The following ADAMTSL2 variants were observed in gnomAD, a reference collection of about 807,000 sequenced individuals.
The protein encoded by ADAMTSL2 is ADAMTS-like protein 2.
Under a neutral mutation model 117.0 loss-of-function variants are expected in ADAMTSL2, and 55 were observed. That is an observed-to-expected ratio of 0.47 (90% confidence interval 0.38 to 0.59). ADAMTSL2 has a LOEUF of 0.59. ADAMTSL2 is among the 20% of genes least tolerant of loss of function. The probability of loss-of-function intolerance (pLI) is 0.00; values close to 1 mark genes in which losing one functional copy is unlikely to be tolerated. For synonymous variants in ADAMTSL2, 572 were observed against 566.4 expected (o/e 1.01, Z -0.14); for missense variants, 1,182 against 1,354.5 (o/e 0.87, Z 2.00).
rs932262126 is a variant in ADAMTSL2, at chr9:133,554,404, G to A, written c.987G>A (p.Thr329=). The A allele has an allele frequency of 8.5e-5, 133 of 1,561,710 alleles. No individual in the cohort carries two copies. In the Middle Eastern group the frequency reaches 1.0e-3, roughly 12 times the overall value. ...GKSPSITFEY[T]LLQPPHESRP... is the part of the protein sequence containing the mutation. ...GCCCCTCCATCACCTTCGAGTACACGCTGCTGCAGCCGCCACACGAGAGCC... is the reference window on the plus strand; with the variant it reads ...GCCCCTCCATCACCTTCGAGTACACACTGCTGCAGCCGCCACACGAGAGCC... The change falls in exon 10 of 19, where the codon ACG becomes ACA. Residue 329 remains threonine (T), a synonymous_variant. Coordinates refer to ENST00000651351, the MANE Select transcript of ADAMTSL2 (RefSeq NM_014694.4). This position sits in a 1 kb window ranked among gnomAD's most constrained non-coding sequence, Gnocchi z 5.2.
chr9:133,537,654 T>A (rs1352785711), intron 3 of ADAMTSL2, 107 bp downstream of exon 3: 2 of 1,210,980 alleles, frequency 1.7e-6, no homozygotes, highest in African/African-American at 3.1e-5. Context: ...CTGGGAGGGC[T>A]CTCGGGTTGG....
In ADAMTSL2 at chr9:133,534,837, C is replaced by G. The variant is rs761700325; in HGVS notation, c.-231C>G. The G allele has an allele frequency of 1.3e-6, 2 of 1,498,618 alleles. No homozygotes were observed. Among genetic ancestry groups the G allele is most frequent in the Non-Finnish European group, 1.8e-6 (2 of 1,119,726 alleles). 92.8% of individuals were successfully genotyped at this position (1,498,618 alleles called of 1,614,324 possible). ...CCTCTGCACTCACGCCGCCCCCGCA[C>G]GCACAGCGCACCTGGCGCCGTCTGC... On this transcript the variant is annotated 5_prime_UTR_variant, in exon 1 of 19. Transcript: ENST00000651351.
chr9:133,550,791 A>G (rs1005558372), intron 9 of ADAMTSL2, among the ~76,000 whole-genome samples: 2 of 151,984 alleles, frequency 1.3e-5, no homozygotes, highest in African/African-American at 2.4e-5. Context: ...TGATTCATTC[A>G]CCCGTTGTGC....
rs1830471436 is a variant in ADAMTSL2 at position 133,551,097 on chromosome 9, C to G, written c.940-3260C>G. On this transcript the variant is annotated intron_variant, in intron 9 of 18. Coordinates refer to ENST00000651351, the MANE Select transcript of ADAMTSL2 (RefSeq NM_014694.4). ...ACTCTCATCTCGGGCTGCCCTGCCT[C>G]CCATCACACCGATGCTTACATCACA... Among the ~76,000 whole-genome samples the G allele has an allele frequency of 2.6e-5, 4 of 152,300 alleles. No individual in the cohort carries two copies. The South Asian group carries it at 8.3e-4, about 32-fold the overall frequency.
intron 3 of ADAMTSL2, 133 bp from the exon 4 acceptor site, chr9:133,538,216 G>T: frequency 9.9e-7 from 1 of 1,006,408 alleles, no homozygotes; most frequent in South Asian, 1.3e-5. Flanking sequence ...GGTGGGAGTT[G>T]AGTAGGGAGG....
In ADAMTSL2 at chr9:133,554,337, A is replaced by G. The variant is rs944709273; in HGVS notation, c.940-20A>G. The G allele has an allele frequency of 3.6e-5, 56 of 1,534,276 alleles. No homozygotes were observed. Among genetic ancestry groups the G allele is most frequent in the Admixed American group, 5.9e-5 (3 of 51,168 alleles). On this transcript the variant is annotated intron_variant, in intron 9 of 18. Coordinates refer to ENST00000651351, the MANE Select transcript of ADAMTSL2 (RefSeq NM_014694.4). This position sits in a 1 kb window ranked among gnomAD's most constrained non-coding sequence, Gnocchi z 5.2. The stretch of plus-strand genomic sequence containing the variant: ...TGGACAGAGTAAGGAGGGGCTGGGG[A>G]CCCACTTCTCTTTCCCTAGGTGTGG...
chr9:133,553,436 C>T (rs1341262949), intron 9 of ADAMTSL2, among the ~76,000 whole-genome samples: 1 of 152,210 alleles, frequency 6.6e-6, no homozygotes, highest in Non-Finnish European at 1.5e-5. Context: ...TGCCATCCTT[C>T]CGTTCTTGGG....
intron 11 of ADAMTSL2, 47 bp from the exon 12 acceptor site, chr9:133,561,151 G>A: frequency 6.6e-7 from 1 of 1,507,682 alleles, no homozygotes; most frequent in South Asian, 1.2e-5. Flanking sequence ...GCCTGCCGGT[G>A]GGGCCTGGAG....
chr9:133,540,737 ATGTGAGGT>A lies in ADAMTSL2; in HGVS notation c.556_558+5del. 1 of 1,613,810 alleles carries A rather than the reference ATGTGAGGT, an allele frequency of 6.2e-7. No individual in the cohort carries two copies. The highest frequency in any genetic ancestry group is 8.5e-7 in the Non-Finnish European group (1 of 1,180,034). ...TGCGAGGGGTTTGCGTGTCTGGAAA[ATGTGAGGT>A]TGTTAAACGTTGTAGCAAAAGTACC... On this transcript the variant is annotated splice_donor_variant and coding_sequence_variant, in exon 6 of 19. Transcript: ENST00000651351. LOFTEE classifies it high-confidence loss of function.
intron 8 of ADAMTSL2, among the ~76,000 whole-genome samples, chr9:133,545,922 G>C (rs796734027): frequency 6.6e-5 from 10 of 152,200 alleles, no homozygotes; most frequent in African/African-American, 2.4e-4. Flanking sequence ...ACTTTTCTAC[G>C]TGAAGGGGGT....
At position 133,538,438 on chromosome 9, in the gene ADAMTSL2, C is replaced by G. The variant is rs774838975; in HGVS notation, c.309+14C>G. 2 of 1,612,510 alleles carry G rather than the reference C, an allele frequency of 1.2e-6. No individual in the cohort carries two copies. Among genetic ancestry groups the G allele is most frequent in the African/African-American group, 2.7e-5 (2 of 74,940 alleles). The stretch of plus-strand genomic sequence containing the variant: ...TGCAGAGTGCAGGTGAGGCCCGGCC[C>G]GGGCAGGGGCACCATGGCCTGCTCT... On this transcript the variant is annotated intron_variant, in intron 4 of 18. Coordinates refer to ENST00000651351, the MANE Select transcript of ADAMTSL2 (RefSeq NM_014694.4).
Position 133,554,751 on chromosome 9 carries a change from G to T in ADAMTSL2, c.1276+58G>T. ...CCCGGGAGGCAGCCCAGGGAAGGGG[G>T]CCTTGGGGAAGGGGTCTCAGACCCT... On this transcript the variant is annotated intron_variant, in intron 10 of 18. Transcript: ENST00000651351. The surrounding 1 kb of genome is among the most constrained non-coding windows in gnomAD (Gnocchi z 5.2). The T allele has an allele frequency of 7.1e-7, 1 of 1,403,764 alleles. No homozygotes were observed. The highest frequency in any genetic ancestry group is 2.5e-5 in the East Asian group (1 of 39,708). The allele number at this position is 1,403,764 out of a possible 1,614,324, so 87.0% of individuals were successfully genotyped here.
In ADAMTSL2 at chr9:133,564,771, G is replaced by A. The variant is rs924642601; in HGVS notation, c.1748-2165G>A. 2.0e-5 allele frequency among the ~76,000 whole-genome samples: 3 copies of A among 151,970 alleles called. No homozygotes were observed. The East Asian group carries it at 5.8e-4, about 30-fold the overall frequency. Reference sequence around the variant, plus strand: ...GGGCAGGAGGGAGGGAGAGTTCCCTGTCACTGTGGGAGGTGCTGAATGGCA... The same window carrying A: ...GGGCAGGAGGGAGGGAGAGTTCCCTATCACTGTGGGAGGTGCTGAATGGCA... On this transcript the variant is annotated intron_variant, in intron 12 of 18. Transcript: ENST00000651351.
At chr9:133,555,434 C>T in intron 10 of ADAMTSL2, 124 bp from the exon 11 acceptor site, 5 of 1,275,220 alleles carry the variant, frequency 3.9e-6, no homozygotes, top group South Asian at 1.3e-5. Flanking sequence ...AGAAGCCCTC[C>T]TTCTGGGAGC....
Position 133,566,930 on chromosome 9 carries a change from A to T in ADAMTSL2, c.1748-6A>T. 1.2e-6 allele frequency: 2 copies of T among 1,604,926 alleles called. No individual in the cohort carries two copies. Among genetic ancestry groups the T allele is most frequent in the South Asian group, 2.2e-5 (2 of 89,270 alleles). Reference sequence around the variant, plus strand: ...GCTCACAGACCCACCCCTGTCCCCAACCCAGGGGTCATGTCTGCGTACGCC... The same window carrying T: ...GCTCACAGACCCACCCCTGTCCCCATCCCAGGGGTCATGTCTGCGTACGCC... On this transcript the variant is annotated splice_polypyrimidine_tract_variant and splice_region_variant and intron_variant, in intron 12 of 18. Transcript: ENST00000651351.
At chr9:133,573,662 C>CA (rs1380040605) in intron 17 of ADAMTSL2, among the ~76,000 whole-genome samples, 181 bp from the exon 18 acceptor site, 8 of 152,212 alleles carry the variant, frequency 5.3e-5, no homozygotes, top group Non-Finnish European at 1.5e-5. Context: ...CATCTCAACT[C>CA]AGCCTTGGAG....
In ADAMTSL2 at chr9:133,575,498, A is replaced by AG. The variant is rs1007123144; in HGVS notation, c.*635dup. 6.5e-6 allele frequency: 1 copy of AG among 154,568 alleles called. No individual in the cohort carries two copies. The highest frequency in any genetic ancestry group is 1.4e-5 in the Non-Finnish European group (1 of 69,558). 9.6% of individuals were successfully genotyped at this position (154,568 alleles called of 1,614,324 possible). The stretch of plus-strand genomic sequence containing the variant: ...CGTCAGTGCTCATCTACGTTAATAA[A>AG]GTGGTCCTATTTATGGCGGCATCAT... On this transcript the variant is annotated 3_prime_UTR_variant, in exon 19 of 19. Transcript: ENST00000651351.
chr9:133,560,369 C>T (rs1000936001), intron 11 of ADAMTSL2, among the ~76,000 whole-genome samples: 21 of 152,330 alleles, frequency 1.4e-4, no homozygotes, highest in East Asian at 1.9e-4. Context: ...TCAGGGGCGG[C>T]GGGACTCCAT....
chr9:133,565,530 C>G (rs1454779898), intron 12 of ADAMTSL2, among the ~76,000 whole-genome samples: 6 of 152,242 alleles, frequency 3.9e-5, no homozygotes, highest in Admixed American at 6.5e-5. Flanking sequence ...GGGAAGCCAG[C>G]CTCCCCCTCA....
Sources: gnomAD v4.1 joint callset for allele counts (sites outside exome capture counted in the v4.1 genomes callset) on GRCh38, gnomAD v4.1.1 for gene constraint, Gnocchi (gnomAD v3.1) non-coding constraint, MANE v1.5 for transcripts, NCBI Gene and HGNC (gene_info 2026-07-23, HGNC 2026-07-21) for gene names.